LRRC37A2: variants seen among roughly 807,000 people sequenced by gnomAD.
The protein encoded by LRRC37A2 is leucine-rich repeat-containing protein 37A2.
In LRRC37A2, 9 loss-of-function variants were observed where a neutral mutation model predicts 68.8. The ratio of observed to expected loss-of-function variants is 0.13; its 90% CI spans 0.08 to 0.23. LRRC37A2 has a LOEUF of 0.23. Among genes scored for constraint, LRRC37A2 ranks in the 10% least tolerant of loss-of-function variants. The probability of loss-of-function intolerance (pLI) is 1.00; values close to 1 mark genes in which losing one functional copy is unlikely to be tolerated. For missense variants in LRRC37A2, 168 were observed against 950.4 expected (o/e 0.18, Z 10.82); for synonymous variants, 63 against 367.6 (o/e 0.17, Z 9.48).
chr17:46,959,913 AT>A, the LRRC37A2 span, among the ~76,000 whole-genome samples: 22 of 152,336 alleles, frequency 1.4e-4, no homozygotes, highest in Admixed American at 3.9e-4. Context: ...CTCTAAAGGA[AT>A]TCAGGCTGGG....
chr17:46,878,031 C>T, the LRRC37A2 span, among the ~76,000 whole-genome samples: 180 of 152,366 alleles, frequency 1.2e-3, no homozygotes, highest in African/African-American at 4.1e-3. Flanking sequence ...TACCTCCACA[C>T]AGGCACACAT....
chr17:46,755,882 AG>A, the LRRC37A2 span: 14 of 1,533,826 alleles, frequency 9.1e-6, no homozygotes, highest in South Asian at 1.6e-4. Context: ...AAGATGGCCT[AG>A]GATCTTCACT....
At chr17:46,969,862 C>T in the LRRC37A2 span, among the ~76,000 whole-genome samples, 1 of 152,172 alleles carries the variant, frequency 6.6e-6, no homozygotes, top group African/African-American at 2.4e-5. Flanking sequence ...CTTTCGCGAT[C>T]CCCTTGCCCC....
chr17:46,502,034 G>A, the LRRC37A2 span, among the ~76,000 whole-genome samples: 1 of 151,252 alleles, frequency 6.6e-6, no homozygotes, highest in Non-Finnish European at 1.5e-5. Flanking sequence ...ACTCAAATAT[G>A]GTAAAGGTAT....
the LRRC37A2 span, among the ~76,000 whole-genome samples, chr17:46,840,579 T>C: frequency 0.17 from 26,237 of 152,184 alleles, 2,631 homozygotes; most frequent in East Asian, 0.38. Context: ...CTTGAGGAAT[T>C]GCCATACTGT....
At chr17:46,782,105 C>G in the LRRC37A2 span, among the ~76,000 whole-genome samples, 1 of 152,240 alleles carries the variant, frequency 6.6e-6, no homozygotes, top group Non-Finnish European at 1.5e-5. Flanking sequence ...TCCCTTCGGT[C>G]TCAGGGTGCT....
chr17:46,870,431 G>C, the LRRC37A2 span, among the ~76,000 whole-genome samples: 1 of 151,608 alleles, frequency 6.6e-6, no homozygotes, highest in Non-Finnish European at 1.5e-5. Context: ...GTGTAGACCT[G>C]GTGGACTGGA....
the LRRC37A2 span, among the ~76,000 whole-genome samples, chr17:46,462,101 G>C: frequency 1.2e-5 from 1 of 82,156 alleles, no homozygotes; most frequent in African/African-American, 3.5e-5. Context: ...GGGAGGAGCT[G>C]GGAAAGAAAC....
At chr17:46,490,408 G>T in the LRRC37A2 span, among the ~76,000 whole-genome samples, 1 of 151,058 alleles carries the variant, frequency 6.6e-6, no homozygotes, top group Non-Finnish European at 1.5e-5. Flanking sequence ...CATAAATAAT[G>T]CTTCTGGAAA....
At chr17:46,795,292 T>A in the LRRC37A2 span, among the ~76,000 whole-genome samples, 14 of 152,044 alleles carry the variant, frequency 9.2e-5, no homozygotes, top group Non-Finnish European at 1.5e-4. Context: ...CATGTCTCAC[T>A]CCCCTGGTGT....
the LRRC37A2 span, among the ~76,000 whole-genome samples, chr17:46,813,266 G>T: frequency 6.6e-6 from 1 of 151,940 alleles, no homozygotes; most frequent in African/African-American, 2.4e-5. Context: ...CCTCCATGTG[G>T]TTAAGGAAAA....
the LRRC37A2 span, among the ~76,000 whole-genome samples, chr17:46,750,473 AT>A: frequency 6.6e-6 from 1 of 152,234 alleles, no homozygotes. Context: ...TTCAGTGAGC[AT>A]TTCCTTTGAA....
chr17:46,763,644 T>G, the LRRC37A2 span: 1 of 152,094 alleles, frequency 6.6e-6, no homozygotes, highest in Non-Finnish European at 1.5e-5. Flanking sequence ...TTTGTCTAAC[T>G]TATACTAAGG....
At chr17:46,965,697 G>A in the LRRC37A2 span, among the ~76,000 whole-genome samples, 49 of 152,070 alleles carry the variant, frequency 3.2e-4, no homozygotes, top group East Asian at 7.9e-3. Context: ...ATCACGGCAC[G>A]CTGCAGCCTC....
chr17:46,858,157 T>A, the LRRC37A2 span, among the ~76,000 whole-genome samples: 14 of 152,356 alleles, frequency 9.2e-5, no homozygotes, highest in African/African-American at 3.4e-4. Flanking sequence ...CTTGAACTCC[T>A]GACCTCATGT....
At chr17:46,754,149 C>CTTT in the LRRC37A2 span, among the ~76,000 whole-genome samples, 6 of 134,034 alleles carry the variant, frequency 4.5e-5, no homozygotes, top group African/African-American at 8.3e-5. Flanking sequence ...CCAGCCAGTT[C>CTTT]TTTTTTTTTT....
chr17:46,974,424 G>A, the LRRC37A2 span, among the ~76,000 whole-genome samples: 1 of 152,208 alleles, frequency 6.6e-6, no homozygotes, highest in East Asian at 1.9e-4. Context: ...TCTTACCAAT[G>A]TGTTGTGGGG....
the LRRC37A2 span, among the ~76,000 whole-genome samples, chr17:46,891,863 T>C: frequency 6.6e-6 from 1 of 152,052 alleles, no homozygotes; most frequent in African/African-American, 2.4e-5. Context: ...TGGCAGTCCT[T>C]AGAGTTTCCA....
the LRRC37A2 span, chr17:46,963,659 A>G: frequency 6.6e-6 from 1 of 152,202 alleles, no homozygotes; most frequent in African/African-American, 2.4e-5. Context: ...GAGAAAATGT[A>G]AATGCTACAT....
Sources: gnomAD v4.1 joint callset for allele counts (sites outside exome capture counted in the v4.1 genomes callset) on GRCh38, gnomAD v4.1.1 for gene constraint, MANE v1.5 for transcripts, NCBI Gene and HGNC (gene_info 2026-07-23, HGNC 2026-07-21) for gene names.